The following NEUROG1 variants were observed in gnomAD, a reference collection of about 807,000 sequenced individuals.
The protein encoded by NEUROG1 is neurogenin 1.
Under a neutral mutation model 5.7 loss-of-function variants are expected in NEUROG1, and 5 were observed. The observed-to-expected ratio is 0.88, with a 90% CI of 0.46 to 1.85. The LOEUF (loss-of-function observed/expected upper bound fraction) is 1.85. Among genes scored for constraint, NEUROG1 ranks in the 40% most tolerant of loss-of-function variants. The probability of loss-of-function intolerance (pLI) is 0.01; values close to 1 mark genes in which losing one functional copy is unlikely to be tolerated. For missense variants in NEUROG1, 403 were observed against 345.7 expected (o/e 1.17, Z -1.32); for synonymous variants, 196 against 157.4 (o/e 1.25, Z -1.84).
At position 135,534,357 on chromosome 5, in the gene NEUROG1, C is replaced by G. The variant is rs1194009682; in HGVS notation, c.*620G>C. 3 of 152,562 alleles carry G rather than the reference C, an allele frequency of 2.0e-5. No individual in the cohort carries two copies. The allele number at this position is 152,562 out of a possible 1,614,324, so 9.5% of individuals were successfully genotyped here. On this transcript the variant is annotated 3_prime_UTR_variant, in exon 1 of 1. Transcript: ENST00000314744. ...CTTTGATAGCTCATAATAGAATAAA[C>G]TCTTTATGTACAAAAATACATTTTC...
rs906423595 is a variant in NEUROG1 at position 135,535,019 on chromosome 5, T to C, written c.672A>G (p.Lys224=). 1 of 1,613,946 alleles carries C rather than the reference T, an allele frequency of 6.2e-7. No homozygotes were observed. The highest frequency in any genetic ancestry group is 8.5e-7 in the Non-Finnish European group (1 of 1,179,938). ...AACAGGGCGTTGTGTGGAGCAAGTCTTTGGGCAGGCTTGGGAAGGAGAAAA... is the reference window on the plus strand; with the variant it reads ...AACAGGGCGTTGTGTGGAGCAAGTCCTTGGGCAGGCTTGGGAAGGAGAAAA... ...DPVFSFPSLP[K]DLLHTTPCFI... Residue 224 remains lysine, a synonymous_variant, in exon 1 of 1, where the codon AAA becomes AAG. Transcript: ENST00000314744.
rs1028474669 is a variant in NEUROG1, at chr5:135,535,839, GGT to G, written c.-151_-150del. The G allele has an allele frequency of 2.9e-6, 2 of 696,758 alleles. No homozygotes were observed. Among genetic ancestry groups the G allele is most frequent in the Non-Finnish European group, 4.4e-6 (2 of 450,998 alleles). The allele number at this position is 696,758 out of a possible 1,614,324, so 43.2% of individuals were successfully genotyped here. A position where few individuals can be genotyped will look rare whatever the true frequency, so the allele number is the denominator to read the frequency against. On this transcript the variant is annotated 5_prime_UTR_variant, in exon 1 of 1. Transcript: ENST00000314744. ...AGTTGCGGGTGCGAGAGCCTGGAAGGGTGCAGGGGCGCACGGAGAACTTGGCC... is the reference window on the plus strand; with the variant it reads ...AGTTGCGGGTGCGAGAGCCTGGAAGGGCAGGGGCGCACGGAGAACTTGGCC...
In NEUROG1 at chr5:135,535,587, A is replaced by C. The variant is rs1215794227; in HGVS notation, c.104T>G (p.Leu35Arg). Residue 35 changes from leucine (L) to arginine (R), a missense_variant, in exon 1 of 1, where the codon CTC becomes CGC. Leu to Arg is a moderately radical substitution (Grantham distance 102). Coordinates refer to ENST00000314744, the MANE Select transcript of NEUROG1 (RefSeq NM_006161.3). ...CCCCGAAGCGGAGGCTGCCTGTTGG[A>C]GTCTGGCACAGTCTTCCTCGTCGGT... is the stretch of plus-strand genomic sequence containing the variant. Reference protein sequence around the residue: ...FLTDEEDCARLQQAASASGPP... With the variant: ...FLTDEEDCARRQQAASASGPP... 1 of 1,590,118 alleles carries C rather than the reference A, an allele frequency of 6.3e-7. No homozygotes were observed. Among genetic ancestry groups the C allele is most frequent in the Non-Finnish European group, 8.5e-7 (1 of 1,174,616 alleles).
chr5:135,535,503 C>G lies in NEUROG1; in HGVS notation c.188G>C (p.Gly63Ala), dbSNP rs747278469. The part of the protein sequence containing the change: ...PNISRASEVP[G>A]AQDDEQERRR... ...CCTCTCCTGCTCGTCGTCCTGTGCC[C>G]CTGGAACCTCAGACGCCCGGGAGAT... Residue 63 changes from glycine to alanine, a missense_variant, in exon 1 of 1, where the codon GGG (glycine) becomes GCG (alanine). Physicochemically the swap from Gly to Ala is moderately conservative, Grantham distance 60. Transcript: ENST00000314744. 1.9e-6 allele frequency: 3 copies of G among 1,576,836 alleles called. No individual in the cohort carries two copies. The highest frequency in any genetic ancestry group is 1.4e-5 in the African/African-American group (1 of 72,870).
Position 135,535,406 on chromosome 5 carries a change from G to T in NEUROG1, c.285C>A (p.Val95=), listed in dbSNP as rs749790843. The change falls in exon 1 of 1, where the codon GTC becomes GTA. Residue 95 remains valine, a synonymous_variant. Transcript: ENST00000314744. ...GGTTGCGCTCGCGATCGTTGGCCTT[G>T]ACGCGCCGGCTCCTGCGCAGCGAGT... The part of the protein sequence containing the change: ...LLHSLRRSRR[V]KANDRERNRM... 3.7e-6 allele frequency: 6 copies of T among 1,605,426 alleles called. No homozygotes were observed. The Admixed American group carries it at 1.0e-4, about 27-fold the overall frequency.
Position 135,534,667 on chromosome 5 carries a change from A to T in NEUROG1, c.*310T>A, listed in dbSNP as rs533807699. 67 of 325,416 alleles carry T rather than the reference A, an allele frequency of 2.1e-4. No individual in the cohort carries two copies. In the South Asian group the frequency reaches 2.9e-3, roughly 14 times the overall value. The allele number at this position is 325,416 out of a possible 1,614,324, so 20.2% of individuals were successfully genotyped here. On this transcript the variant is annotated 3_prime_UTR_variant, in exon 1 of 1. Transcript: ENST00000314744. Reference sequence around the variant, plus strand: ...GGCTGATCTGTCCCTTTTCTAAATCACACTGAAGTGGTGGCTGGGGTCAGT... The same window carrying T: ...GGCTGATCTGTCCCTTTTCTAAATCTCACTGAAGTGGTGGCTGGGGTCAGT...
chr5:135,535,451 G>T lies in NEUROG1; in HGVS notation c.240C>A (p.Val80=), dbSNP rs765071116. 4.4e-6 allele frequency: 7 copies of T among 1,574,200 alleles called. No homozygotes were observed. Among genetic ancestry groups the T allele is most frequent in the Non-Finnish European group, 6.0e-6 (7 of 1,163,510 alleles). The part of the protein sequence containing the change: ...ERRRRRGRTR[V]RSEALLHSLR... ...GCGAGTGCAGCAGCGCCTCGGAGCG[G>T]ACCCGCGTCCGGCCGCGGCGCCGCC... The change falls in exon 1 of 1, where the codon GTC becomes GTA. Residue 80 remains valine, a synonymous_variant. Coordinates refer to ENST00000314744, the MANE Select transcript of NEUROG1 (RefSeq NM_006161.3).
At position 135,534,774 on chromosome 5, in the gene NEUROG1, C is replaced by T. The variant is rs1750496229; in HGVS notation, c.*203G>A. The T allele has an allele frequency of 1.7e-6, 1 of 587,518 alleles. No homozygotes were observed. The highest frequency in any genetic ancestry group is 2.9e-6 in the Non-Finnish European group (1 of 339,542). 36.4% of individuals were successfully genotyped at this position (587,518 alleles called of 1,614,324 possible). A position where few individuals can be genotyped will look rare whatever the true frequency, so the allele number is the denominator to read the frequency against. On this transcript the variant is annotated 3_prime_UTR_variant, in exon 1 of 1. Coordinates refer to ENST00000314744, the MANE Select transcript of NEUROG1 (RefSeq NM_006161.3). ...CGTCTAGGGGCGGGCAGGAGGGGCG[C>T]TGGGCTGAGGGCCGGAGAAACAGAC...
In NEUROG1 at chr5:135,535,483, CCTG is replaced by C; in HGVS notation, c.205_207del (p.Gln69del). On this transcript the variant is annotated inframe_deletion, in exon 1 of 1. Transcript: ENST00000314744. ...GTCCGGCCGCGGCGCCGCCGCCTCT[CCTG>C]CTCGTCGTCCTGTGCCCCTGGAACC... 6.4e-7 allele frequency: 1 copy of C among 1,571,558 alleles called. No homozygotes were observed. The highest frequency in any genetic ancestry group is 8.6e-7 in the Non-Finnish European group (1 of 1,164,130).
At position 135,535,422 on chromosome 5, in the gene NEUROG1, C is replaced by A. The variant is rs772487296; in HGVS notation, c.269G>T (p.Arg90Leu). The A allele has an allele frequency of 1.3e-6, 2 of 1,597,360 alleles. No individual in the cohort carries two copies. The highest frequency in any genetic ancestry group is 1.7e-6 in the Non-Finnish European group (2 of 1,172,722). Residue 90 changes from arginine (R) to leucine (L), a missense_variant, in exon 1 of 1, where the codon CGC (arginine) becomes CTC (leucine). Transcript: ENST00000314744. ...GTTGGCCTTGACGCGCCGGCTCCTG[C>A]GCAGCGAGTGCAGCAGCGCCTCGGA... Reference protein sequence around the residue: ...VRSEALLHSLRRSRRVKANDR... With the variant: ...VRSEALLHSLLRSRRVKANDR...
Position 135,535,021 on chromosome 5 carries a change from T to C in NEUROG1, c.670A>G (p.Lys224Glu). 1.2e-6 allele frequency: 2 copies of C among 1,613,986 alleles called. No homozygotes were observed. Among genetic ancestry groups the C allele is most frequent in the Non-Finnish European group, 1.7e-6 (2 of 1,179,936 alleles). Reference sequence around the variant, plus strand: ...CAGGGCGTTGTGTGGAGCAAGTCTTTGGGCAGGCTTGGGAAGGAGAAAACA... The same window carrying C: ...CAGGGCGTTGTGTGGAGCAAGTCTTCGGGCAGGCTTGGGAAGGAGAAAACA... ...DPVFSFPSLP[K>E]DLLHTTPCFI... is the part of the protein sequence containing the mutation. Residue 224 changes from lysine to glutamate, a missense_variant, in exon 1 of 1, where the codon AAA (lysine) becomes GAA (glutamate). Transcript: ENST00000314744.
In NEUROG1 at chr5:135,535,501, C is replaced by T. The variant is rs1175911693; in HGVS notation, c.190G>A (p.Ala64Thr). The T allele has an allele frequency of 2.5e-6, 4 of 1,574,776 alleles. No individual in the cohort carries two copies. Among genetic ancestry groups the T allele is most frequent in the South Asian group, 2.3e-5 (2 of 86,596 alleles). The part of the protein sequence containing the change: ...NISRASEVPG[A>T]QDDEQERRRR... ...CGCCTCTCCTGCTCGTCGTCCTGTG[C>T]CCCTGGAACCTCAGACGCCCGGGAG... is the stretch of plus-strand genomic sequence containing the variant. The change falls in exon 1 of 1, where the codon GCA becomes ACA. Residue 64 changes from alanine (A) to threonine (T), a missense_variant. Coordinates refer to ENST00000314744, the MANE Select transcript of NEUROG1 (RefSeq NM_006161.3).
Position 135,534,884 on chromosome 5 carries a change from C to G in NEUROG1, c.*93G>C, listed in dbSNP as rs767700839. ...GCTTTAAAGCTCCCGCTTCCTCCCT[C>G]CGCCTGGAGAGGGGGTCCCGAGGCG... On this transcript the variant is annotated 3_prime_UTR_variant, in exon 1 of 1. Transcript: ENST00000314744. 7.6e-7 allele frequency: 1 copy of G among 1,323,636 alleles called. No homozygotes were observed. The highest frequency in any genetic ancestry group is 2.4e-5 in the East Asian group (1 of 41,202). 82.0% of individuals were successfully genotyped at this position (1,323,636 alleles called of 1,614,324 possible).
rs760412762 is a variant in NEUROG1 at position 135,535,673 on chromosome 5, C to T, written c.18G>A (p.Glu6=). The T allele has an allele frequency of 1.3e-6, 2 of 1,566,970 alleles. No homozygotes were observed. The highest frequency in any genetic ancestry group is 1.4e-5 in the African/African-American group (1 of 71,254). ...CGCAGTCGAGGTCGGAGATGCAGGT[C>T]TCAAGGCGGGCTGGCATCGTTGCGC... MPARL[E]TCISDLDCAS... Residue 6 remains glutamate, a synonymous_variant, in exon 1 of 1, where the codon GAG becomes GAA. Transcript: ENST00000314744.
rs1750499293 is a variant in NEUROG1, at chr5:135,534,920, C to T, written c.*57G>A. ...GGGGGTCCCGAGGCGGCAGCTGGGG[C>T]CCCATCTATTGCCTGCTGACTAGGG... is the stretch of plus-strand genomic sequence containing the variant. On this transcript the variant is annotated 3_prime_UTR_variant, in exon 1 of 1. Transcript: ENST00000314744. 1 of 1,550,540 alleles carries T rather than the reference C, an allele frequency of 6.4e-7. No homozygotes were observed. Among genetic ancestry groups the T allele is most frequent in the South Asian group, 1.2e-5 (1 of 82,238 alleles).
rs781119500 is a variant in NEUROG1 at position 135,535,119 on chromosome 5, G to A, written c.572C>T (p.Ala191Val). The change falls in exon 1 of 1, where the codon GCC (alanine) becomes GTC (valine). Residue 191 changes from alanine (A) to valine (V), a missense_variant. Physicochemically the swap from Ala to Val is moderately conservative, Grantham distance 64. Coordinates refer to ENST00000314744, the MANE Select transcript of NEUROG1 (RefSeq NM_006161.3). ...SDAESWGSGA[A>V]AASPLSDPSS... is the part of the protein sequence containing the mutation. Reference sequence around the variant, plus strand: ...GGGGTCAGAGAGCGGGGAGGCGGCGGCGGCACCTGAGCCCCAGGACTCCGC... The same window carrying A: ...GGGGTCAGAGAGCGGGGAGGCGGCGACGGCACCTGAGCCCCAGGACTCCGC... 1.2e-6 allele frequency: 2 copies of A among 1,610,162 alleles called. No homozygotes were observed. The highest frequency in any genetic ancestry group is 2.2e-5 in the South Asian group (2 of 90,384).
chr5:135,535,515 G>A lies in NEUROG1; in HGVS notation c.176C>T (p.Ser59Phe). The change falls in exon 1 of 1, where the codon TCT becomes TTT. Residue 59 changes from serine to phenylalanine, a missense_variant. Transcript: ENST00000314744. ...RRGAPNISRA[S>F]EVPGAQDDEQ... ...GTCGTCCTGTGCCCCTGGAACCTCA[G>A]ACGCCCGGGAGATATTGGGCGCGCC... 1 of 1,575,020 alleles carries A rather than the reference G, an allele frequency of 6.3e-7. No individual in the cohort carries two copies. The highest frequency in any genetic ancestry group is 8.6e-7 in the Non-Finnish European group (1 of 1,167,472).
chr5:135,535,382 G>A lies in NEUROG1; in HGVS notation c.309C>T (p.Asn103=). Residue 103 remains asparagine, a synonymous_variant, in exon 1 of 1, where the codon AAC becomes AAT. Coordinates refer to ENST00000314744, the MANE Select transcript of NEUROG1 (RefSeq NM_006161.3). Reference sequence around the variant, plus strand: ...GGGCCGCGTTCAAGTTGTGCATGCGGTTGCGCTCGCGATCGTTGGCCTTGA... The same window carrying A: ...GGGCCGCGTTCAAGTTGTGCATGCGATTGCGCTCGCGATCGTTGGCCTTGA... The part of the protein sequence containing the change: ...RRVKANDRER[N]RMHNLNAALD... 3 of 1,611,744 alleles carry A rather than the reference G, an allele frequency of 1.9e-6. No homozygotes were observed. The highest frequency in any genetic ancestry group is 2.2e-5 in the South Asian group (2 of 90,808).
Position 135,535,799 on chromosome 5 carries a change from T to C in NEUROG1, c.-109A>G. 1 of 1,070,894 alleles carries C rather than the reference T, an allele frequency of 9.3e-7. No individual in the cohort carries two copies. Among genetic ancestry groups the C allele is most frequent in the Non-Finnish European group, 1.3e-6 (1 of 764,158 alleles). 66.3% of individuals were successfully genotyped at this position (1,070,894 alleles called of 1,614,324 possible). ...CACTTACGTTCCCAACAGCCTGGGG[T>C]TGTTACTCTGTGCCAGTTGCGGGTG... On this transcript the variant is annotated 5_prime_UTR_variant, in exon 1 of 1. Coordinates refer to ENST00000314744, the MANE Select transcript of NEUROG1 (RefSeq NM_006161.3).
Sources: gnomAD v4.1 joint callset for allele counts on GRCh38, gnomAD v4.1.1 for gene constraint, MANE v1.5 for transcripts, NCBI Gene and HGNC (gene_info 2026-07-23, HGNC 2026-07-21) for gene names.